KIAA1671: variants seen among roughly 807,000 people sequenced by gnomAD.
The protein encoded by KIAA1671 is uncharacterized protein KIAA1671.
Under a neutral mutation model 131.2 loss-of-function variants are expected in KIAA1671, and 52 were observed. The observed-to-expected ratio is 0.40, with a 90% CI of 0.32 to 0.50. The LOEUF (loss-of-function observed/expected upper bound fraction) is 0.50, where lower values mean the gene tolerates loss of function less well. KIAA1671 is among the 20% of genes least tolerant of loss of function. KIAA1671 has a pLI of 0.73. For synonymous variants in KIAA1671, 1,003 were observed against 961.6 expected, an observed-to-expected ratio of 1.04 and a Z score of -0.80; for missense variants, 2,360 against 2,364.2, an observed-to-expected ratio of 1.00 and a Z score of 0.04.
intron 11 of KIAA1671, among the ~76,000 whole-genome samples, chr22:25,190,357 G>GGA (rs1934630122): frequency 3.3e-5 from 5 of 152,330 alleles, no homozygotes; most frequent in African/African-American, 1.2e-4. Flanking sequence ...CAGGTGGAAT[G>GGA]TGAGTGATGG....
At chr22:24,968,101 A>C (rs1049736925) in intron 1 of KIAA1671, among the ~76,000 whole-genome samples, 2 of 152,188 alleles carry the variant, frequency 1.3e-5, no homozygotes, top group Non-Finnish European at 2.9e-5. Context: ...TTAACTCGAG[A>C]AAGGCAGTGG....
At chr22:25,143,830 G>C (rs1319082721) in intron 6 of KIAA1671, among the ~76,000 whole-genome samples, 1 of 152,084 alleles carries the variant, frequency 6.6e-6, no homozygotes, top group African/African-American at 2.4e-5. Context: ...GTGTGACCTT[G>C]AGCAAGTGAA....
At chr22:25,022,009 C>T (rs1477587319) in intron 1 of KIAA1671, among the ~76,000 whole-genome samples, 3 of 151,968 alleles carry the variant, frequency 2.0e-5, no homozygotes, top group Non-Finnish European at 2.9e-5. Flanking sequence ...CTCCTGACCT[C>T]GTGATCTGCT....
intron 4 of KIAA1671, among the ~76,000 whole-genome samples, chr22:25,033,722 G>C (rs935912721): frequency 1.3e-5 from 2 of 151,240 alleles, no homozygotes; most frequent in Admixed American, 6.6e-5. Context: ...GGGACTACAG[G>C]TGCCCGCCAC....
chr22:25,148,107 C>T (rs554191566), intron 6 of KIAA1671, among the ~76,000 whole-genome samples: 1 of 151,828 alleles, frequency 6.6e-6, no homozygotes, highest in East Asian at 1.9e-4. Flanking sequence ...ATTGTGCCAG[C>T]TTTGGCCCTG....
intron 6 of KIAA1671, among the ~76,000 whole-genome samples, chr22:25,088,088 G>A (rs1447940315): frequency 2.7e-5 from 4 of 150,756 alleles, no homozygotes; most frequent in Non-Finnish European, 4.4e-5. Flanking sequence ...TGTTAATGAT[G>A]TCTTTCTTTT....
At chr22:24,955,756 T>A (rs965769121) in intron 1 of KIAA1671, among the ~76,000 whole-genome samples, 1 of 152,090 alleles carries the variant, frequency 6.6e-6, no homozygotes, top group African/African-American at 2.4e-5. Context: ...CCAGGCGCGG[T>A]GGCTCACGCC....
chr22:25,003,616 G>T (rs6004387), intron 1 of KIAA1671, among the ~76,000 whole-genome samples: 6 of 151,466 alleles, frequency 4.0e-5, no homozygotes, highest in Non-Finnish European at 8.8e-5. Context: ...GTTTCACTGT[G>T]TTAGCCAGGA....
intron 6 of KIAA1671, among the ~76,000 whole-genome samples, chr22:25,087,163 G>A (rs1356144000): frequency 6.7e-5 from 8 of 120,182 alleles, no homozygotes; most frequent in Non-Finnish European, 6.7e-5. Flanking sequence ...CCCCCACCCC[G>A]CCGCTGCCTC....
chr22:25,042,585 G>A (rs897548199), intron 5 of KIAA1671, among the ~76,000 whole-genome samples: 3 of 149,428 alleles, frequency 2.0e-5, no homozygotes, highest in African/African-American at 7.4e-5. Context: ...TCCTGCCTCA[G>A]CCTCCCAAGT....
At chr22:25,061,544 C>G (rs1229999362) in intron 6 of KIAA1671, 4 of 152,248 alleles carry the variant, frequency 2.6e-5, no homozygotes, top group Non-Finnish European at 5.9e-5. Context: ...CTGCTGAGTG[C>G]TTTTCTCATA....
chr22:25,152,518 G>A (rs762096962), intron 6 of KIAA1671, among the ~76,000 whole-genome samples: 3 of 152,148 alleles, frequency 2.0e-5, no homozygotes, highest in African/African-American at 4.8e-5. Context: ...CTGAGCTTCA[G>A]TTTTCTCCTG....
chr22:24,974,512 AAT>A (rs1569195980), intron 1 of KIAA1671, among the ~76,000 whole-genome samples: 1 of 152,006 alleles, frequency 6.6e-6, no homozygotes, highest in African/African-American at 2.4e-5. Context: ...AGGTAAAGCT[AAT>A]GCATGAGCTC....
chr22:25,150,836 C>CTTTTTTTTTTTTTTTTTTTTTT (rs1324671566), intron 6 of KIAA1671, among the ~76,000 whole-genome samples: 1 of 125,936 alleles, frequency 7.9e-6, no homozygotes, highest in Non-Finnish European at 1.7e-5. Context: ...GGGTCCTTTG[C>CTTTTTTTTTTTTTTTTTTTTTT]TTTTTTTTTT....
At position 25,119,099 on chromosome 22, in the gene KIAA1671, G is replaced by A. The variant is rs546365322; in HGVS notation, c.4531-51721G>A. 1.5e-4 allele frequency among the ~76,000 whole-genome samples: 23 copies of A among 152,236 alleles called. No homozygotes were observed. The South Asian group carries it at 3.9e-3, about 26-fold the overall frequency. ...GTCCATGAGGGCCAGGGCTTTGGCC[G>A]TCCTGGTTCACCTTGATATTGCCAG... is the stretch of plus-strand genomic sequence containing the variant. On this transcript the variant is annotated intron_variant, in intron 6 of 12. Transcript: ENST00000358431.
At chr22:24,959,160 C>G (rs1362721521) in intron 1 of KIAA1671, among the ~76,000 whole-genome samples, 2 of 150,588 alleles carry the variant, frequency 1.3e-5, no homozygotes, top group Non-Finnish European at 3.0e-5. Context: ...GTCCTTGTCT[C>G]AAATAAATAA....
chr22:25,104,449 G>A (rs1362882954), intron 6 of KIAA1671, among the ~76,000 whole-genome samples: 4 of 152,170 alleles, frequency 2.6e-5, no homozygotes, highest in Admixed American at 2.6e-4. Flanking sequence ...AGGAGGGGAA[G>A]GCAGCTGTAG....
In KIAA1671 at chr22:24,974,685, C is replaced by CTTT. The variant is rs34171375; in HGVS notation, c.-208+21935_-208+21937dup. On this transcript the variant is annotated intron_variant, in intron 1 of 12. Coordinates refer to ENST00000358431, the MANE Select transcript of KIAA1671 (RefSeq NM_001145206.2). ...AATTCACTTATCATCCAGCTCACCT[C>CTTT]TTTTTTTTTTTTTTTTTTTTTTTTG... 9.9e-3 allele frequency among the ~76,000 whole-genome samples: 804 copies of CTTT among 81,258 alleles called. 7 individuals are homozygous for CTTT. Among genetic ancestry groups the CTTT allele is most frequent in the Non-Finnish European group, 0.013 (596 of 45,860 alleles). The allele number at this position is 81,258 out of a possible 152,430, so 53.3% of individuals were successfully genotyped here. A position where few individuals can be genotyped will look rare whatever the true frequency, so the allele number is the denominator to read the frequency against.
At position 25,029,307 on chromosome 22, in the gene KIAA1671, T is replaced by C. The variant is rs1466556444; in HGVS notation, c.1308T>C (p.Ser436=). 6.5e-7 allele frequency: 1 copy of C among 1,529,372 alleles called. No individual in the cohort carries two copies. The highest frequency in any genetic ancestry group is 1.2e-5 in the South Asian group (1 of 81,176). 94.7% of individuals were successfully genotyped at this position (1,529,372 alleles called of 1,614,324 possible). The change falls in exon 3 of 13, where the codon AGT becomes AGC. Residue 436 remains serine (S), a synonymous_variant. Coordinates refer to ENST00000358431, the MANE Select transcript of KIAA1671 (RefSeq NM_001145206.2). ...AAGGEWASRR[S]VRKCISLFRE... Reference sequence around the variant, plus strand: ...GGGGAGAGTGGGCCTCCAGGAGGAGTGTCAGGAAGTGCATCAGCCTGTTTC... The same window carrying C: ...GGGGAGAGTGGGCCTCCAGGAGGAGCGTCAGGAAGTGCATCAGCCTGTTTC...
Sources: allele counts gnomAD v4.1 joint callset (sites outside exome capture counted in the v4.1 genomes callset), GRCh38; gene constraint gnomAD v4.1.1; transcripts MANE v1.5; gene names NCBI Gene and HGNC (gene_info 2026-07-23, HGNC 2026-07-21).